CDC42BPG: variants seen among roughly 807,000 people sequenced by gnomAD.
CDC42BPG encodes CDC42 binding protein kinase gamma, also known as serine/threonine-protein kinase MRCK gamma.
Under a neutral mutation model 192.2 loss-of-function variants are expected in CDC42BPG, and 157 were observed. That is an observed-to-expected ratio of 0.82 (90% confidence interval 0.72 to 0.93). CDC42BPG has a LOEUF of 0.93. Among genes scored for constraint, CDC42BPG ranks in the 40% least tolerant of loss-of-function variants. The pLI is 0.00. For synonymous variants in CDC42BPG, 981 were observed against 918.5 expected (o/e 1.07, Z -1.23); for missense variants, 1,992 against 2,122.1 (o/e 0.94, Z 1.20).
chr11:64,834,180 C>A, intron 20 of CDC42BPG, 86 bp downstream of exon 20: 3 of 1,434,802 alleles, frequency 2.1e-6, no homozygotes, highest in Admixed American at 2.1e-5. Context: ...TCTCCACCAC[C>A]CTGCCAGGCC....
At chr11:64,844,309 G>T in intron 1 of CDC42BPG, 101 bp downstream of exon 1, 2 of 1,158,916 alleles carry the variant, frequency 1.7e-6, no homozygotes, top group African/African-American at 1.6e-5. Flanking sequence ...TGCGAGGGAA[G>T]CCCGTGGGGG....
At chr11:64,839,282 G>A (rs1347105049) in intron 6 of CDC42BPG, 49 bp from the exon 7 acceptor site, 14 of 1,604,950 alleles carry the variant, frequency 8.7e-6, no homozygotes, top group Non-Finnish European at 1.2e-5. Flanking sequence ...GGCTTGGCTG[G>A]GACTGCTGGC....
rs1183221744 is a variant in CDC42BPG at position 64,839,152 on chromosome 11, A to AGTGGCCCTTGCCCTCCTCC, written c.738_756dup (p.Tyr253GlyfsTer12). On this transcript the variant is annotated frameshift_variant, in exon 7 of 37. Coordinates refer to ENST00000342711, the MANE Select transcript of CDC42BPG (RefSeq NM_017525.3). LOFTEE classifies it high-confidence loss of function. The stretch of plus-strand genomic sequence containing the variant: ...GACCACCAGTCACACTGTGGGCCGT[A>AGTGGCCCTTGCCCTCCTCC]GTGGCCCTTGCCCTCCTCCATGGCC... 3.7e-6 allele frequency: 6 copies of AGTGGCCCTTGCCCTCCTCC among 1,613,430 alleles called. No homozygotes were observed. The highest frequency in any genetic ancestry group is 5.1e-6 in the Non-Finnish European group (6 of 1,180,044).
chr11:64,825,161 C>T lies in CDC42BPG; in HGVS notation c.4600-632G>A, dbSNP rs184819797. ...TGAACTCTTGACCTCAAGTGATCTGCCTGCCTCAGCCTCCCAAAGTGCTGC... is the reference window on the plus strand; with the variant it reads ...TGAACTCTTGACCTCAAGTGATCTGTCTGCCTCAGCCTCCCAAAGTGCTGC... On this transcript the variant is annotated intron_variant, in intron 36 of 36. Coordinates refer to ENST00000342711, the MANE Select transcript of CDC42BPG (RefSeq NM_017525.3). Among the ~76,000 whole-genome samples the T allele has an allele frequency of 1.1e-3, 172 of 152,258 alleles. 1 individual carries two copies. The highest frequency in any genetic ancestry group is 4.0e-3 in the African/African-American group (166 of 41,532).
At chr11:64,840,897 C>G (rs1943252537) in intron 3 of CDC42BPG, among the ~76,000 whole-genome samples, 1 of 152,210 alleles carries the variant, frequency 6.6e-6, no homozygotes, top group Non-Finnish European at 1.5e-5. Flanking sequence ...GCCTGTAATC[C>G]CAGCACTTTG....
In CDC42BPG at chr11:64,827,117, G is replaced by A; in HGVS notation, c.4322C>T (p.Thr1441Ile). 6.2e-7 allele frequency: 1 copy of A among 1,614,184 alleles called. No homozygotes were observed. The highest frequency in any genetic ancestry group is 1.1e-5 in the South Asian group (1 of 91,086). ...FVRSKLISPP[T>I]NFNHLVHVGP... ...CACGTGTACTAGGTGGTTGAAGTTG[G>A]TAGGCGGCGAGATGAGCTTGGAGCG... The change falls in exon 34 of 37, where the codon ACC (threonine) becomes ATC (isoleucine). Residue 1441 changes from threonine (T) to isoleucine (I), a missense_variant. Transcript: ENST00000342711.
Position 64,839,151 on chromosome 11 carries a change from T to G in CDC42BPG, c.758A>C (p.Tyr253Ser), listed in dbSNP as rs1029881223. 1.2e-6 allele frequency: 2 copies of G among 1,613,524 alleles called. No homozygotes were observed. Among genetic ancestry groups the G allele is most frequent in the Non-Finnish European group, 1.7e-6 (2 of 1,180,024 alleles). Reference protein sequence around the residue: ...LQAMEEGKGHYGPQCDWWSLG... With the variant: ...LQAMEEGKGHSGPQCDWWSLG... ...CGACCACCAGTCACACTGTGGGCCG[T>G]AGTGGCCCTTGCCCTCCTCCATGGC... Residue 253 changes from tyrosine to serine, a missense_variant, in exon 7 of 37, where the codon TAC becomes TCC. By Grantham distance (144) the Tyr-to-Ser change is moderately radical (BLOSUM62 -2). Around this residue, in one of 2 missense-constraint regions of CDC42BPG, gnomAD observed 1,656 missense variants for 1,844.3 expected, o/e 0.90. Coordinates refer to ENST00000342711, the MANE Select transcript of CDC42BPG (RefSeq NM_017525.3).
chr11:64,840,524 T>C (rs1592723380), intron 4 of CDC42BPG, 29 bp downstream of exon 4: 1 of 1,605,606 alleles, frequency 6.2e-7, no homozygotes, highest in Non-Finnish European at 8.5e-7. Context: ...CCTAGGATGT[T>C]CCCCTCCAGC....
rs1431526636 is a variant in CDC42BPG, at chr11:64,823,928, A to C, written c.*545T>G. The C allele has an allele frequency of 3.2e-5, 5 of 154,892 alleles. No homozygotes were observed. The highest frequency in any genetic ancestry group is 1.8e-4 in the South Asian group (1 of 5,550). The allele number at this position is 154,892 out of a possible 1,614,324, so 9.6% of individuals were successfully genotyped here. A position where few individuals can be genotyped will look rare whatever the true frequency, so the allele number is the denominator to read the frequency against. On this transcript the variant is annotated 3_prime_UTR_variant, in exon 37 of 37. Coordinates refer to ENST00000342711, the MANE Select transcript of CDC42BPG (RefSeq NM_017525.3). ...TCCAATTCCTATCACCTCCTCCTCC[A>C]CTTCCTTCCTCCTATCCTGTCTCTC...
chr11:64,834,877 C>A lies in CDC42BPG; in HGVS notation c.2147G>T (p.Gly716Val). 6.2e-7 allele frequency: 1 copy of A among 1,613,874 alleles called. No homozygotes were observed. Among genetic ancestry groups the A allele is most frequent in the Non-Finnish European group, 8.5e-7 (1 of 1,180,008 alleles). The change falls in exon 18 of 37, where the codon GGC becomes GTC. Residue 716 changes from glycine to valine, a missense_variant. Gly to Val is a moderately radical substitution (Grantham distance 109, BLOSUM62 -3). Coordinates refer to ENST00000342711, the MANE Select transcript of CDC42BPG (RefSeq NM_017525.3). ...AEELESLRNV[G>V]TQTLPARPLD... ...TGGCCGGGCAGGGAGCGTCTGGGTG[C>A]CTACGTTCCTCAAGGACTCCAGCTC...
intron 13 of CDC42BPG, 130 bp from the exon 14 acceptor site, chr11:64,835,981 C>G: frequency 7.6e-7 from 1 of 1,312,700 alleles, no homozygotes; most frequent in Non-Finnish European, 1.0e-6. Flanking sequence ...ACTGCCCCGT[C>G]CCAGCCACCA....
Position 64,838,641 on chromosome 11 carries a change from C to T in CDC42BPG, c.1125+13G>A, listed in dbSNP as rs1369226563. On this transcript the variant is annotated intron_variant, in intron 8 of 36. Transcript: ENST00000342711. ...AGGGCAGCTCCCCTCCTGCAGTGGC[C>T]TTTGCCACTCACTGGATGGTTGAGG... The T allele has an allele frequency of 4.3e-6, 7 of 1,610,922 alleles. No individual in the cohort carries two copies. The highest frequency in any genetic ancestry group is 1.3e-5 in the African/African-American group (1 of 74,916).
At chr11:64,833,438 C>T in intron 23 of CDC42BPG, 102 bp from the exon 24 acceptor site, 1 of 959,052 alleles carries the variant, frequency 1.0e-6, no homozygotes. Context: ...ACAGTGACCT[C>T]CGAGTCCCAG....
chr11:64,826,870 G>A, intron 34 of CDC42BPG, 76 bp from the exon 35 acceptor site: 2 of 1,425,554 alleles, frequency 1.4e-6, no homozygotes, highest in African/African-American at 1.4e-5. Flanking sequence ...CAACAGACCA[G>A]GACAAATGAA....
At chr11:64,843,613 C>G (rs980549282) in intron 1 of CDC42BPG, among the ~76,000 whole-genome samples, 2 of 152,218 alleles carry the variant, frequency 1.3e-5, no homozygotes, top group African/African-American at 4.8e-5. Context: ...TTCCCCATGG[C>G]CCGGCAGGGT....
rs757445858 is a variant in CDC42BPG at position 64,831,622 on chromosome 11, C to A, written c.3187G>T (p.Glu1063Ter). ...ERERWLQVLG[E>*]LQRLLLDARP... ...GCGTCCAGCAGCAGCCGCTGCAGCT[C>A]ACCCAGCACCTGCAGCCAGCGTTCC... Residue 1063 changes from glutamate (E) to a stop codon, truncating the protein, a stop_gained, in exon 28 of 37, where the codon GAG becomes TAG. Transcript: ENST00000342711. LOFTEE classifies it high-confidence loss of function. 3.1e-6 allele frequency: 5 copies of A among 1,611,784 alleles called. No homozygotes were observed. Among genetic ancestry groups the A allele is most frequent in the Non-Finnish European group, 4.2e-6 (5 of 1,179,812 alleles).
chr11:64,840,287 A>G lies in CDC42BPG; in HGVS notation c.433-19T>C. 1 of 1,606,036 alleles carries G rather than the reference A, an allele frequency of 6.2e-7. No homozygotes were observed. Among genetic ancestry groups the G allele is most frequent in the East Asian group, 2.2e-5 (1 of 44,814 alleles). On this transcript the variant is annotated intron_variant, in intron 4 of 36. Coordinates refer to ENST00000342711, the MANE Select transcript of CDC42BPG (RefSeq NM_017525.3). ...CAAGGTACTGGAGGTGGCGGACAAG[A>G]ATCAGACCCGGGGGAAGGGTGCACC... is the stretch of plus-strand genomic sequence containing the variant.
In CDC42BPG at chr11:64,827,060, T is replaced by A. The variant is rs199967204; in HGVS notation, c.4379A>T (p.Asp1460Val). ...CTCCAGAGGACTAACCGGGGACTTG[T>A]CCCTGGCGCCGGGCCGCCCGTTGGC... ...GPANGRPGARDKSPAPEEKGR... is the reference protein window; with the variant it reads ...GPANGRPGARVKSPAPEEKGR... Residue 1460 changes from aspartate to valine, a missense_variant, in exon 34 of 37, where the codon GAC becomes GTC. Coordinates refer to ENST00000342711, the MANE Select transcript of CDC42BPG (RefSeq NM_017525.3). 8.5e-5 allele frequency: 136 copies of A among 1,609,258 alleles called. No individual in the cohort carries two copies. The highest frequency in any genetic ancestry group is 5.6e-4 in the East Asian group (25 of 44,850).
chr11:64,830,080 T>G lies in CDC42BPG; in HGVS notation c.3368-10A>C. The G allele has an allele frequency of 6.2e-7, 1 of 1,612,684 alleles. No individual in the cohort carries two copies. The highest frequency in any genetic ancestry group is 8.5e-7 in the Non-Finnish European group (1 of 1,179,526). ...CCCACCTGGAAGATGTCTGCAGGGT[T>G]GGCGAGGGGAGAGTGTCACTGGCAG... On this transcript the variant is annotated splice_polypyrimidine_tract_variant and intron_variant, in intron 29 of 36. Transcript: ENST00000342711.
Sources: gnomAD v4.1 joint callset for allele counts (sites outside exome capture counted in the v4.1 genomes callset) on GRCh38, gnomAD v4.1.1 for gene constraint, gnomAD v4.1.1 regional missense constraint, MANE v1.5 for transcripts, NCBI Gene and HGNC (gene_info 2026-07-23, HGNC 2026-07-21) for gene names.